The following CSN1S1 variants were observed in gnomAD, a reference collection of about 807,000 sequenced individuals.
CSN1S1 encodes the protein casein alpha s1, also known as alpha-S1-casein.
A neutral mutation model predicts 49.1 loss-of-function variants in CSN1S1; 63 were observed. That is an observed-to-expected ratio of 1.28 (90% CI 1.05 to 1.58). CSN1S1 has a LOEUF of 1.58. CSN1S1 is among the 40% of genes most tolerant of loss of function. The pLI is 0.00. For missense variants in CSN1S1, 260 were observed against 224.7 expected (o/e 1.16, Z -1.01); for synonymous variants, 78 against 67.1 (o/e 1.16, Z -0.79).
In CSN1S1 at chr4:69,939,193, C is replaced by A. The variant is rs766273125; in HGVS notation, c.261C>A (p.Ile87=). 6.3e-7 allele frequency: 1 copy of A among 1,599,656 alleles called. No individual in the cohort carries two copies. Among genetic ancestry groups the A allele is most frequent in the South Asian group, 1.1e-5 (1 of 89,430 alleles). ...VAEPEKMESS[I]SSSSEEMSLS... is the part of the protein sequence containing the mutation. ...TCTTTTAGAAGATGGAATCCAGCAT[C>A]AGTTCATCGAGTGAGGTAAATAATT... Residue 87 remains isoleucine, a synonymous_variant, in exon 10 of 16, where the codon ATC becomes ATA. Transcript: ENST00000246891.
intron 12 of CSN1S1, 79 bp downstream of exon 12, chr4:69,941,139 T>G: frequency 1.6e-6 from 1 of 620,382 alleles, no homozygotes; most frequent in Non-Finnish European, 2.6e-6. Context: ...TTGGGGCCAT[T>G]TCTAAATATA....
chr4:69,944,585 T>C (rs1181619776), intron 14 of CSN1S1, among the ~76,000 whole-genome samples: 6 of 151,940 alleles, frequency 3.9e-5, no homozygotes, highest in African/African-American at 1.2e-4. Flanking sequence ...GTAATGTGGG[T>C]TCTTGGAGTT....
intron 1 of CSN1S1, among the ~76,000 whole-genome samples, chr4:69,931,930 T>C (rs1247718086): frequency 3.9e-5 from 6 of 151,932 alleles, no homozygotes; most frequent in Non-Finnish European, 7.4e-5. Flanking sequence ...CTTTATATAT[T>C]TATGTCATGA....
chr4:69,945,956 T>C (rs1723151604), intron 15 of CSN1S1, among the ~76,000 whole-genome samples: 1 of 151,964 alleles, frequency 6.6e-6, no homozygotes, highest in Non-Finnish European at 1.5e-5. Context: ...TTTATTCTAA[T>C]TGCATTGCCA....
intron 3 of CSN1S1, 142 bp downstream of exon 3, chr4:69,934,386 A>C: frequency 1.3e-6 from 1 of 784,614 alleles, no homozygotes; most frequent in Non-Finnish European, 2.1e-6. Context: ...GTCAGATGGT[A>C]TTTGCTCTCA....
At chr4:69,944,398 C>T (rs115936835) in intron 14 of CSN1S1, among the ~76,000 whole-genome samples, 461 of 151,984 alleles carry the variant, frequency 3.0e-3, no homozygotes, top group Non-Finnish European at 5.3e-3. Context: ...TTTTCTGTTC[C>T]TGGCATTTCT....
At chr4:69,944,823 T>C (rs957417809) in intron 14 of CSN1S1, 27 bp from the exon 15 acceptor site, 10 of 1,609,876 alleles carry the variant, frequency 6.2e-6, no homozygotes, top group Admixed American at 5.0e-5. Flanking sequence ...TCATACACTG[T>C]TGCTTTTCAA....
chr4:69,935,834 G>A lies in CSN1S1; in HGVS notation c.106-92G>A, dbSNP rs1374209589. 3 of 820,178 alleles carry A rather than the reference G, an allele frequency of 3.7e-6. No individual in the cohort carries two copies. In the African/African-American group the frequency reaches 5.2e-5, roughly 14 times the overall value. 50.8% of individuals were successfully genotyped at this position (820,178 alleles called of 1,614,324 possible). On this transcript the variant is annotated intron_variant, in intron 4 of 15. Coordinates refer to ENST00000246891, the MANE Select transcript of CSN1S1 (RefSeq NM_001890.2). ...TTTTTGACTTAATTGTTGAATAGAA[G>A]AACATAACGTTTTAATTCAAGGACA...
chr4:69,934,258 T>G lies in CSN1S1; in HGVS notation c.84+14T>G, dbSNP rs369042236. 69 of 1,609,498 alleles carry G rather than the reference T, an allele frequency of 4.3e-5. No homozygotes were observed. The highest frequency in any genetic ancestry group is 5.4e-5 in the Non-Finnish European group (64 of 1,177,168). The stretch of plus-strand genomic sequence containing the variant: ...GAACGCCTTCAGGTAAATATTCTAT[T>G]CTGCATTCCAAGAACTCACTCTAAT... On this transcript the variant is annotated intron_variant, in intron 3 of 15. Coordinates refer to ENST00000246891, the MANE Select transcript of CSN1S1 (RefSeq NM_001890.2).
At chr4:69,943,545 G>A (rs548520973) in intron 14 of CSN1S1, among the ~76,000 whole-genome samples, 2 of 151,974 alleles carry the variant, frequency 1.3e-5, no homozygotes, top group Non-Finnish European at 2.9e-5. Context: ...TGAGGGTTTG[G>A]AGTAGCAATA....
At chr4:69,934,746 T>A in intron 4 of CSN1S1, 36 bp downstream of exon 4, 1 of 1,589,494 alleles carries the variant, frequency 6.3e-7, no homozygotes, top group Non-Finnish European at 8.6e-7. Flanking sequence ...GATTCTCTCT[T>A]CCTTTTGCTC....
At chr4:69,932,102 A>C (rs1006389093) in intron 1 of CSN1S1, among the ~76,000 whole-genome samples, 8 of 151,936 alleles carry the variant, frequency 5.3e-5, no homozygotes, top group Non-Finnish European at 1.2e-4. Flanking sequence ...CATTTTCAAA[A>C]CTTTTCAATA....
At chr4:69,936,311 A>C (rs1722781078) in intron 5 of CSN1S1, 145 bp from the exon 6 acceptor site, 6 of 709,724 alleles carry the variant, frequency 8.5e-6, no homozygotes, top group South Asian at 5.3e-5. Flanking sequence ...GAAATGATAT[A>C]ATAAGGAATA....
chr4:69,939,292 A>G (rs1722901484), intron 10 of CSN1S1, 84 bp downstream of exon 10: 2 of 984,876 alleles, frequency 2.0e-6, no homozygotes, highest in Non-Finnish European at 3.2e-6. Flanking sequence ...CATATCCCTT[A>G]AGGTCTCATT....
At chr4:69,934,368 C>A in intron 3 of CSN1S1, 124 bp downstream of exon 3, 1 of 898,542 alleles carries the variant, frequency 1.1e-6, no homozygotes, top group Non-Finnish European at 1.8e-6. Flanking sequence ...TTCTTTAGTT[C>A]AAGCACTGTC....
chr4:69,933,377 A>T (rs1722670006), intron 2 of CSN1S1, among the ~76,000 whole-genome samples: 1 of 152,006 alleles, frequency 6.6e-6, no homozygotes, highest in Non-Finnish European at 1.5e-5. Context: ...TCTCATACAG[A>T]AGAAAAATTT....
At chr4:69,936,668 G>A (rs1722798613) in intron 7 of CSN1S1, 61 bp downstream of exon 7, 5 of 1,476,850 alleles carry the variant, frequency 3.4e-6, no homozygotes, top group Non-Finnish European at 4.5e-6. Context: ...TAGAAAAAAA[G>A]TTTTCCTTTA....
intron 8 of CSN1S1, 130 bp downstream of exon 8, chr4:69,937,274 A>T (rs1722816656): frequency 1.5e-6 from 1 of 683,360 alleles, no homozygotes; most frequent in Non-Finnish European, 2.4e-6. Context: ...GAAAAGAAAT[A>T]GTGTATCATA....
chr4:69,935,948 A>G lies in CSN1S1; in HGVS notation c.128A>G (p.Glu43Gly). Residue 43 changes from glutamate (E) to glycine (G), a missense_variant and splice_region_variant, in exon 5 of 16, where the codon GAG (glutamate) becomes GGG (glycine). Physicochemically the swap from Glu to Gly is moderately conservative, Grantham distance 98. Coordinates refer to ENST00000246891, the MANE Select transcript of CSN1S1 (RefSeq NM_001890.2). ...TAGCCTATACCATTAGAATCAAGAGAGGTAAGAATGACTCCACAGAATTTA... is the reference window on the plus strand; with the variant it reads ...TAGCCTATACCATTAGAATCAAGAGGGGTAAGAATGACTCCACAGAATTTA... The part of the protein sequence containing the change: ...SSEPIPLESR[E>G]EYMNGMNRQR... 5 of 1,538,932 alleles carry G rather than the reference A, an allele frequency of 3.2e-6. No individual in the cohort carries two copies. The highest frequency in any genetic ancestry group is 4.4e-6 in the Non-Finnish European group (5 of 1,136,114).
Sources: gnomAD v4.1 joint callset for allele counts (sites outside exome capture counted in the v4.1 genomes callset) on GRCh38, gnomAD v4.1.1 for gene constraint, MANE v1.5 for transcripts, NCBI Gene and HGNC (gene_info 2026-07-23, HGNC 2026-07-21) for gene names.